Variants in RGS7 observed in about 807,000 individuals in gnomAD.
RGS7 encodes regulator of G protein signaling 7.
In RGS7, 27 loss-of-function variants were observed where a neutral mutation model predicts 81.1. The observed-to-expected ratio is 0.33, with a 90% confidence interval of 0.25 to 0.46. The LOEUF (loss-of-function observed/expected upper bound fraction) is 0.46. RGS7 is among the 20% of genes least tolerant of loss of function. RGS7 has a pLI of 1.00. For missense variants in RGS7, 396 were observed against 607.4 expected, an observed-to-expected ratio of 0.65 and a Z score of 3.66; for synonymous variants, 208 against 207.7, an observed-to-expected ratio of 1.00 and a Z score of -0.01.
At chr1:240,859,440 G>GTTTTTTTTTTTTTTTTTTTTTT (rs5782167) in intron 9 of RGS7, among the ~76,000 whole-genome samples, 5 of 110,828 alleles carry the variant, frequency 4.5e-5, no homozygotes, top group East Asian at 2.7e-4. Context: ...TTTCTTTCCT[G>GTTTTTTTTTTTTTTTTTTTTTT]TTTTTTTTTT....
At chr1:240,846,258 G>GT (rs1429307836) in intron 9 of RGS7, among the ~76,000 whole-genome samples, 1 of 152,146 alleles carries the variant, frequency 6.6e-6, no homozygotes, top group South Asian at 2.1e-4. Flanking sequence ...CATCTCAAAA[G>GT]TTTTTTTCCT....
chr1:241,306,465 C>G (rs373665491), intron 2 of RGS7, among the ~76,000 whole-genome samples: 68 of 150,162 alleles, frequency 4.5e-4, no homozygotes, highest in African/African-American at 1.6e-3. Flanking sequence ...CATATGCACA[C>G]GTCCACTCAC....
At chr1:241,274,799 T>C (rs541504345) in intron 2 of RGS7, among the ~76,000 whole-genome samples, 11 of 152,314 alleles carry the variant, frequency 7.2e-5, no homozygotes, top group African/African-American at 2.4e-4. Flanking sequence ...TGATTGACTA[T>C]GGAAAACTGC....
chr1:241,331,184 T>C (rs1032047102), intron 2 of RGS7, among the ~76,000 whole-genome samples: 9 of 151,972 alleles, frequency 5.9e-5, no homozygotes, highest in African/African-American at 1.2e-4. Context: ...AGAGGGTATT[T>C]CCACTCACCC....
intron 2 of RGS7, among the ~76,000 whole-genome samples, chr1:241,332,464 GTGTCCAAC>G (rs1354923241): frequency 6.6e-5 from 10 of 152,226 alleles, no homozygotes; most frequent in Admixed American, 3.9e-4. Flanking sequence ...ATCGTTTGAG[GTGTCCAAC>G]CAAGACTTCC....
chr1:240,906,592 T>C (rs1203911458), intron 6 of RGS7, among the ~76,000 whole-genome samples: 5 of 152,226 alleles, frequency 3.3e-5, no homozygotes, highest in African/African-American at 7.2e-5. Context: ...ATCCAACCTG[T>C]GGTATAGCAC....
chr1:241,276,388 C>A (rs919774215), intron 2 of RGS7, among the ~76,000 whole-genome samples: 1 of 152,084 alleles, frequency 6.6e-6, no homozygotes, highest in Admixed American at 6.5e-5. Flanking sequence ...TAATATGATT[C>A]TAGACAACCA....
chr1:241,221,481 A>C (rs2075008745), intron 2 of RGS7, among the ~76,000 whole-genome samples: 1 of 152,244 alleles, frequency 6.6e-6, no homozygotes, highest in Non-Finnish European at 1.5e-5. Context: ...GGGCAGATGT[A>C]AATATCACAT....
At chr1:241,269,962 T>C (rs1036696901) in intron 2 of RGS7, among the ~76,000 whole-genome samples, 10 of 152,214 alleles carry the variant, frequency 6.6e-5, no homozygotes, top group African/African-American at 2.4e-4. Flanking sequence ...CTGAACCTCA[T>C]TACTTTTGGC....
chr1:241,000,428 G>C (rs1687955286), intron 3 of RGS7, among the ~76,000 whole-genome samples: 1 of 152,152 alleles, frequency 6.6e-6, no homozygotes, highest in African/African-American at 2.4e-5. Flanking sequence ...TATCCAGGTT[G>C]TGTATTAATT....
At chr1:241,219,357 G>A (rs1558200954) in intron 2 of RGS7, among the ~76,000 whole-genome samples, 2 of 152,156 alleles carry the variant, frequency 1.3e-5, no homozygotes, top group South Asian at 2.1e-4. Context: ...CATATAAGAC[G>A]TGACGTGATC....
At chr1:240,823,128 G>T in intron 10 of RGS7, 3 of 1,154,342 alleles carry the variant, frequency 2.6e-6, no homozygotes, top group Non-Finnish European at 2.6e-6. Flanking sequence ...CTGGTCTGAG[G>T]TAGCCAACAA....
chr1:241,005,150 C>T (rs1214486524), intron 3 of RGS7, among the ~76,000 whole-genome samples: 1 of 152,180 alleles, frequency 6.6e-6, no homozygotes, highest in African/African-American at 2.4e-5. Context: ...TTTATGGTGA[C>T]TGTTCCAATC....
At chr1:241,297,150 T>C (rs2079476128) in intron 2 of RGS7, among the ~76,000 whole-genome samples, 2 of 152,204 alleles carry the variant, frequency 1.3e-5, no homozygotes, top group Non-Finnish European at 2.9e-5. Flanking sequence ...AAGTGATTTT[T>C]GTGCATGTAA....
intron 2 of RGS7, among the ~76,000 whole-genome samples, chr1:241,162,436 C>A (rs140852266): frequency 6.6e-6 from 1 of 152,166 alleles, no homozygotes; most frequent in Admixed American, 6.5e-5. Context: ...GCGGACAGCC[C>A]GCTCCGAAGG....
intron 16 of RGS7, 151 bp from the exon 17 acceptor site, chr1:240,801,659 G>A (rs1038431122): frequency 4.3e-6 from 3 of 693,564 alleles, no homozygotes; most frequent in Non-Finnish European, 7.7e-6. Flanking sequence ...ATAGAGGTTG[G>A]AGAGCCGCCA....
intron 6 of RGS7, among the ~76,000 whole-genome samples, chr1:240,892,124 A>C (rs138981067): frequency 6.6e-6 from 1 of 152,324 alleles, no homozygotes; most frequent in African/African-American, 2.4e-5. Flanking sequence ...ATTAAATCAG[A>C]GTATGTATAA....
rs1049422715 is a variant in RGS7, at chr1:241,192,164, G to A, written c.79-93402C>T. On this transcript the variant is annotated intron_variant, in intron 2 of 18. Coordinates refer to ENST00000440928, the MANE Select transcript of RGS7 (RefSeq NM_001364886.1). ...TCATTTGGCTAGAGAAAACAGGTGT[G>A]TGTGTGTGTGTGTGTGTGTGTGTGT... 3.6e-3 allele frequency among the ~76,000 whole-genome samples: 255 copies of A among 70,956 alleles called. 1 individual carries two copies. In the East Asian group the frequency reaches 0.07, roughly 20 times the overall value. The allele number at this position is 70,956 out of a possible 152,430, so 46.5% of individuals were successfully genotyped here.
intron 3 of RGS7, among the ~76,000 whole-genome samples, chr1:241,025,696 G>C (rs1337131154): frequency 8.4e-6 from 1 of 119,522 alleles, no homozygotes; most frequent in Non-Finnish European, 1.8e-5. Flanking sequence ...AATTCTAGAA[G>C]CTTTTTTTTT....
Sources: gnomAD v4.1 joint callset for allele counts (sites outside exome capture counted in the v4.1 genomes callset) on GRCh38, gnomAD v4.1.1 for gene constraint, MANE v1.5 for transcripts, NCBI Gene and HGNC (gene_info 2026-07-23, HGNC 2026-07-21) for gene names.